Variants in PCDHGA1 observed in about 807,000 individuals in gnomAD.
The protein encoded by PCDHGA1 is protocadherin gamma-A1.
PCDHGA1 carries 32 observed loss-of-function variants against 58.0 expected under a neutral mutation model. That is an observed-to-expected ratio of 0.55 (90% CI 0.42 to 0.74). PCDHGA1 has a LOEUF of 0.74. PCDHGA1 is among the 30% of genes least tolerant of loss of function. The probability of loss-of-function intolerance (pLI) is 0.00; values close to 1 mark genes in which losing one functional copy is unlikely to be tolerated. For synonymous variants in PCDHGA1, 498 were observed against 501.1 expected, an observed-to-expected ratio of 0.99 and a Z score of 0.08; for missense variants, 1,205 against 1,182.3, an observed-to-expected ratio of 1.02 and a Z score of -0.28.
At position 141,351,956 on chromosome 5, in the gene PCDHGA1, G is replaced by T. The variant is rs970182422; in HGVS notation, c.2421+18851G>T. 10 of 1,612,876 alleles carry T rather than the reference G, an allele frequency of 6.2e-6. No homozygotes were observed. The East Asian group carries it at 2.0e-4, about 32-fold the overall frequency. Reference sequence around the variant, plus strand: ...GGTGCTGTACCCCGCGCTGGGGCCTGATGGCTCCGCCCTCTTCGATATGGT... The same window carrying T: ...GGTGCTGTACCCCGCGCTGGGGCCTTATGGCTCCGCCCTCTTCGATATGGT... On this transcript the variant is annotated intron_variant, in intron 1 of 3. Coordinates refer to ENST00000517417, the MANE Select transcript of PCDHGA1 (RefSeq NM_018912.3).
rs1376897027 is a variant in PCDHGA1, at chr5:141,330,763, G to A, written c.79G>A (p.Gly27Arg). 6.2e-7 allele frequency: 1 copy of A among 1,614,186 alleles called. No homozygotes were observed. The highest frequency in any genetic ancestry group is 8.5e-7 in the Non-Finnish European group (1 of 1,180,018). Residue 27 changes from glycine to arginine, a missense_variant, in exon 1 of 4, where the codon GGG becomes AGG. Physicochemically the swap from Gly to Arg is moderately radical, Grantham distance 125. Transcript: ENST00000517417. ...TTCTCTGGAGCTGCTGTTGGAAGCT[G>A]GGGCTGGGAATATTCACTACTCAGT... ...CLSLELLLEA[G>R]AGNIHYSVPE...
rs1486791355 is a variant in PCDHGA1 at position 141,476,804 on chromosome 5, A to G, written c.2422-18003A>G. Reference sequence around the variant, plus strand: ...CCCAGCTCTCTCCGCCAGCCTGCCTATTCACATCAAGGTGCTGGACGCGAA... The same window carrying G: ...CCCAGCTCTCTCCGCCAGCCTGCCTGTTCACATCAAGGTGCTGGACGCGAA... On this transcript the variant is annotated intron_variant, in intron 1 of 3. Coordinates refer to ENST00000517417, the MANE Select transcript of PCDHGA1 (RefSeq NM_018912.3). The surrounding 1 kb of genome is among the most constrained non-coding windows in gnomAD (Gnocchi z 7.6). 5 of 1,613,476 alleles carry G rather than the reference A, an allele frequency of 3.1e-6. No individual in the cohort carries two copies. Among genetic ancestry groups the G allele is most frequent in the South Asian group, 2.2e-5 (2 of 91,080 alleles).
At chr5:141,419,354 C>T in intron 1 of PCDHGA1, 3 of 1,613,828 alleles carry the variant, frequency 1.9e-6, no homozygotes, top group Non-Finnish European at 1.7e-6. Flanking sequence ...CCTGGAGTCA[C>T]GAACGCTGTC....
intron 3 of PCDHGA1, among the ~76,000 whole-genome samples, chr5:141,507,802 T>G (rs886950696): frequency 6.6e-6 from 1 of 152,204 alleles, no homozygotes; most frequent in African/African-American, 2.4e-5. Context: ...GCCTGCGCCC[T>G]GGGGAACGGA....
chr5:141,374,900 G>A (rs1770928989), intron 1 of PCDHGA1: 6 of 1,613,682 alleles, frequency 3.7e-6, no homozygotes, highest in South Asian at 3.3e-5. Context: ...GGATGAAGGA[G>A]TCCACGGGGA....
At chr5:141,399,315 T>C in intron 1 of PCDHGA1, 2 of 1,613,878 alleles carry the variant, frequency 1.2e-6, no homozygotes, top group Non-Finnish European at 8.5e-7. Flanking sequence ...CATCCAAAAA[T>C]TCGTATAAGT....
chr5:141,355,895 T>C (rs1760035586), intron 1 of PCDHGA1: 1 of 1,613,662 alleles, frequency 6.2e-7, no homozygotes. Flanking sequence ...CTCATAATAC[T>C]TGTGGATACC....
chr5:141,340,883 C>G, intron 1 of PCDHGA1: 1 of 1,613,690 alleles, frequency 6.2e-7, no homozygotes, highest in Non-Finnish European at 8.5e-7. Context: ...CAGAGACGCG[C>G]TCAAGCAGAG....
intron 1 of PCDHGA1, chr5:141,385,616 A>G: frequency 1.8e-6 from 2 of 1,098,642 alleles, no homozygotes; most frequent in Non-Finnish European, 2.3e-6. Context: ...TATATTTTAT[A>G]CATTGGAATG....
chr5:141,331,700 A>T lies in PCDHGA1; in HGVS notation c.1016A>T (p.Asp339Val). Residue 339 changes from aspartate (D) to valine (V), a missense_variant, in exon 1 of 4, where the codon GAT becomes GTT. By Grantham distance (152) the Asp-to-Val change is radical. Transcript: ENST00000517417. ...GTTAAGGTACTGATCAAAGTTTTGG[A>T]TGTAAATGATAATGCCCCAGAAGTG... ...AKVKVLIKVL[D>V]VNDNAPEVTI... The T allele has an allele frequency of 6.2e-7, 1 of 1,614,096 alleles. No individual in the cohort carries two copies. Among genetic ancestry groups the T allele is most frequent in the Non-Finnish European group, 8.5e-7 (1 of 1,180,038 alleles).
chr5:141,427,825 C>A (rs1342117815), intron 1 of PCDHGA1: 1 of 1,536,464 alleles, frequency 6.5e-7, no homozygotes, highest in Non-Finnish European at 8.9e-7. Flanking sequence ...GTGGTGGTCG[C>A]GCAGCGTGCC....
At position 141,489,590 on chromosome 5, in the gene PCDHGA1, T is replaced by C; in HGVS notation, c.2422-5217T>C. The C allele has an allele frequency of 6.2e-7, 1 of 1,614,044 alleles. No homozygotes were observed. Among genetic ancestry groups the C allele is most frequent in the Non-Finnish European group, 8.5e-7 (1 of 1,179,984 alleles). ...GTGACTGAACACCCCCTGGAGCTAA[T>C]CCGTGTAGAGGTAGAGATCCTGGAT... On this transcript the variant is annotated intron_variant, in intron 1 of 3. Transcript: ENST00000517417. The surrounding 1 kb of genome is among the most constrained non-coding windows in gnomAD (Gnocchi z 4.5).
chr5:141,350,143 G>C lies in PCDHGA1; in HGVS notation c.2421+17038G>C, dbSNP rs189392014. ...TGCACTGAGCACAGACGCTGCTCCT[G>C]TTCACCCTCGAGCGCCTAACTAATA... On this transcript the variant is annotated intron_variant, in intron 1 of 3. Transcript: ENST00000517417. The C allele has an allele frequency of 4.3e-5, 37 of 857,550 alleles. 1 individual carries two copies. The Admixed American group carries it at 9.7e-4, about 22-fold the overall frequency. The allele number at this position is 857,550 out of a possible 1,614,324, so 53.1% of individuals were successfully genotyped here. A position where few individuals can be genotyped will look rare whatever the true frequency, so the allele number is the denominator to read the frequency against.
rs754433753 is a variant in PCDHGA1 at position 141,399,914 on chromosome 5, A to G, written c.2421+66809A>G. On this transcript the variant is annotated intron_variant, in intron 1 of 3. Transcript: ENST00000517417. ...GTGGCCGTGGACGCAGACTCAGGACACAACGCCTGGCTGTCCTACCACGTG... is the reference window on the plus strand; with the variant it reads ...GTGGCCGTGGACGCAGACTCAGGACGCAACGCCTGGCTGTCCTACCACGTG... The G allele has an allele frequency of 2.7e-5, 44 of 1,612,236 alleles. No homozygotes were observed. In the Admixed American group the frequency reaches 7.3e-4, roughly 27 times the overall value.
At chr5:141,355,104 G>C (rs1304970044) in intron 1 of PCDHGA1, 1 of 1,504,756 alleles carries the variant, frequency 6.6e-7, no homozygotes, top group African/African-American at 1.4e-5. Flanking sequence ...AGCTCTGGCT[G>C]TGAATGCACT....
At chr5:141,419,739 G>A (rs200899065) in intron 1 of PCDHGA1, 179 of 1,613,652 alleles carry the variant, frequency 1.1e-4, no homozygotes, top group Admixed American at 2.5e-4. Context: ...GGCGAGGTGC[G>A]CATGGTGCGT....
Position 141,487,165 on chromosome 5 carries a change from C to T in PCDHGA1, c.2422-7642C>T, listed in dbSNP as rs1014219030. The T allele has an allele frequency of 1.9e-6, 3 of 1,612,932 alleles. No homozygotes were observed. The highest frequency in any genetic ancestry group is 2.5e-6 in the Non-Finnish European group (3 of 1,178,918). On this transcript the variant is annotated intron_variant, in intron 1 of 3. Coordinates refer to ENST00000517417, the MANE Select transcript of PCDHGA1 (RefSeq NM_018912.3). The surrounding 1 kb of genome is among the most constrained non-coding windows in gnomAD (Gnocchi z 5.0). ...CTACCTCTGTTACTCTCTTAGTGTC[C>T]TTAGAGGAAGACACTCATCCAGTTG...
rs1409333356 is a variant in PCDHGA1 at position 141,418,996 on chromosome 5, T to C, written c.2422-75811T>C. On this transcript the variant is annotated intron_variant, in intron 1 of 3. Coordinates refer to ENST00000517417, the MANE Select transcript of PCDHGA1 (RefSeq NM_018912.3). ...CACGGGACCAAGACTCAGGGGAAAATGGGGAAGTCAGGTGTAGCTTAAGTA... is the reference window on the plus strand; with the variant it reads ...CACGGGACCAAGACTCAGGGGAAAACGGGGAAGTCAGGTGTAGCTTAAGTA... 3.3e-5 allele frequency: 54 copies of C among 1,613,756 alleles called. 1 individual carries two copies. The East Asian group carries it at 1.0e-3, about 30-fold the overall frequency.
rs141252229 is a variant in PCDHGA1, at chr5:141,339,874, G to A, written c.2421+6769G>A. On this transcript the variant is annotated intron_variant, in intron 1 of 3. Coordinates refer to ENST00000517417, the MANE Select transcript of PCDHGA1 (RefSeq NM_018912.3). ...AGCTTAAGTCAACATCTGGAGAACT[G>A]ACAATCATAAAAGATCTAGATTATG... The A allele has an allele frequency of 1.2e-4, 198 of 1,614,110 alleles. 1 individual carries two copies. The African/African-American group carries it at 2.0e-3, about 16-fold the overall frequency.
Sources: allele counts gnomAD v4.1 joint callset (sites outside exome capture counted in the v4.1 genomes callset), GRCh38; gene constraint gnomAD v4.1.1; non-coding constraint Gnocchi (gnomAD v3.1); transcripts MANE v1.5; gene names NCBI Gene and HGNC (gene_info 2026-07-23, HGNC 2026-07-21).